The following MACROD2 variants were observed in gnomAD, a reference collection of about 807,000 sequenced individuals.
MACROD2 encodes the protein mono-ADP ribosylhydrolase 2.
Under a neutral mutation model 70.4 loss-of-function variants are expected in MACROD2, and 36 were observed. The ratio of observed to expected loss-of-function variants is 0.51; its 90% CI spans 0.39 to 0.68. The LOEUF (loss-of-function observed/expected upper bound fraction) is 0.68. Ranked by LOEUF, MACROD2 falls within the 30% of genes least tolerant of loss-of-function variation. The pLI is 0.00. For missense variants in MACROD2, 496 were observed against 538.4 expected, an observed-to-expected ratio of 0.92 and a Z score of 0.78; for synonymous variants, 172 against 178.8, an observed-to-expected ratio of 0.96 and a Z score of 0.30.
At chr20:15,852,556 G>A (rs2064311272) in intron 8 of MACROD2, among the ~76,000 whole-genome samples, 1 of 152,214 alleles carries the variant, frequency 6.6e-6, no homozygotes, top group African/African-American at 2.4e-5. Flanking sequence ...TTGTGCACAA[G>A]TGCGAACATG....
At chr20:15,396,004 C>T (rs1021839288) in intron 6 of MACROD2, among the ~76,000 whole-genome samples, 2 of 152,160 alleles carry the variant, frequency 1.3e-5, no homozygotes, top group African/African-American at 2.4e-5. Flanking sequence ...AATAAAATAA[C>T]GTACATCAAG....
chr20:15,870,078 C>T (rs1024494069), intron 9 of MACROD2, among the ~76,000 whole-genome samples: 2 of 151,948 alleles, frequency 1.3e-5, no homozygotes, highest in Non-Finnish European at 1.5e-5. Flanking sequence ...TTCTCAACCA[C>T]GTTTCACTTA....
intron 4 of MACROD2, among the ~76,000 whole-genome samples, chr20:14,533,934 T>A (rs2085335289): frequency 1.3e-5 from 2 of 152,212 alleles, no homozygotes; most frequent in African/African-American, 4.8e-5. Context: ...CTTGAAGCAA[T>A]AGCAACTATG....
At chr20:14,032,484 T>C (rs944420609) in intron 2 of MACROD2, among the ~76,000 whole-genome samples, 10 of 152,150 alleles carry the variant, frequency 6.6e-5, no homozygotes, top group African/African-American at 2.4e-4. Context: ...CCCTGAAATA[T>C]TTGCCAGTGG....
chr20:15,434,546 AG>A (rs1487822590), intron 7 of MACROD2, among the ~76,000 whole-genome samples: 1 of 152,138 alleles, frequency 6.6e-6, no homozygotes, highest in Non-Finnish European at 1.5e-5. Context: ...TGTGGTGGAA[AG>A]GGAACACATT....
rs149805347 is a variant in MACROD2 at position 15,967,861 on chromosome 20, T to C, written c.985+231T>C. Among the ~76,000 whole-genome samples, 302 of 152,276 alleles carry C rather than the reference T, an allele frequency of 2.0e-3. 1 individual carries two copies. Among genetic ancestry groups the C allele is most frequent in the African/African-American group, 7.0e-3 (289 of 41,554 alleles). On this transcript the variant is annotated intron_variant, in intron 13 of 17. Transcript: ENST00000684519. ...TGTGCCAGGCTGGCTTCATTTATTT[T>C]GTTTATTGTTACTTGTCTGAATTCT...
rs2054672239 is a variant in MACROD2, at chr20:14,127,866, A to C, written c.271+42138A>C. 13 of 483,780 alleles carry C rather than the reference A, an allele frequency of 2.7e-5. 1 individual carries two copies. Among genetic ancestry groups the C allele is most frequent in the South Asian group, 2.2e-4 (13 of 60,370 alleles). 30.0% of individuals were successfully genotyped at this position (483,780 alleles called of 1,614,324 possible). A position where few individuals can be genotyped will look rare whatever the true frequency, so the allele number is the denominator to read the frequency against. On this transcript the variant is annotated intron_variant, in intron 3 of 17. Coordinates refer to ENST00000684519, the MANE Select transcript of MACROD2 (RefSeq NM_001351661.2). Reference sequence around the variant, plus strand: ...AGGAAGCACCAACTCTAAGCCAATAAATGTTTCCCAACTAGATCTTTGAAT... The same window carrying C: ...AGGAAGCACCAACTCTAAGCCAATACATGTTTCCCAACTAGATCTTTGAAT...
In MACROD2 at chr20:14,908,038, C is replaced by T. The variant is rs148970953; in HGVS notation, c.418+223079C>T. Among the ~76,000 whole-genome samples, 60 of 152,256 alleles carry T rather than the reference C, an allele frequency of 3.9e-4. 1 individual carries two copies. Among genetic ancestry groups the T allele is most frequent in the African/African-American group, 1.1e-3 (44 of 41,554 alleles). Reference sequence around the variant, plus strand: ...CATTGACAATTATTGAGCAGGGAAACCACATATTCAAAAGTGTATTGTCAG... The same window carrying T: ...CATTGACAATTATTGAGCAGGGAAATCACATATTCAAAAGTGTATTGTCAG... On this transcript the variant is annotated intron_variant, in intron 5 of 17. Transcript: ENST00000684519.
chr20:14,046,527 A>G (rs1601154943), intron 2 of MACROD2, among the ~76,000 whole-genome samples: 1 of 152,146 alleles, frequency 6.6e-6, no homozygotes, highest in South Asian at 2.1e-4. Context: ...CCAGTAACCC[A>G]GGAATTCTAC....
intron 7 of MACROD2, among the ~76,000 whole-genome samples, 187 bp downstream of exon 7, chr20:15,431,622 G>T (rs1417564909): frequency 1.3e-5 from 2 of 151,972 alleles, no homozygotes; most frequent in African/African-American, 2.4e-5. Flanking sequence ...TCTTGAATTT[G>T]GTTATATCGG....
At chr20:14,492,896 A>G (rs2084810451) in intron 3 of MACROD2, among the ~76,000 whole-genome samples, 1 of 152,108 alleles carries the variant, frequency 6.6e-6, no homozygotes, top group African/African-American at 2.4e-5. Flanking sequence ...TAGCTCCTAT[A>G]AATGTGTGTG....
chr20:14,051,779 A>T, intron 2 of MACROD2: 1 of 454,360 alleles, frequency 2.2e-6, no homozygotes, highest in African/African-American at 2.0e-5. Context: ...CAGAATAGTA[A>T]CATGTAAGTA....
intron 5 of MACROD2, among the ~76,000 whole-genome samples, chr20:14,797,441 A>G (rs2072523514): frequency 6.6e-6 from 1 of 151,418 alleles, no homozygotes; most frequent in African/African-American, 2.4e-5. Flanking sequence ...TCTCTCCATT[A>G]CTCTGCTCCA....
Position 14,192,704 on chromosome 20 carries a change from AG to A in MACROD2, c.271+106977del, listed in dbSNP as rs1374743422. 2.0e-5 allele frequency among the ~76,000 whole-genome samples: 3 copies of A among 152,204 alleles called. No individual in the cohort carries two copies. The East Asian group carries it at 5.8e-4, about 29-fold the overall frequency. On this transcript the variant is annotated intron_variant, in intron 3 of 17. Transcript: ENST00000684519. ...CCCCACAAGGGCCACTTGGGAGTATAGATAAACTGCTCGTTGATCTCTGGGC... is the reference window on the plus strand; with the variant it reads ...CCCCACAAGGGCCACTTGGGAGTATAATAAACTGCTCGTTGATCTCTGGGC...
chr20:14,256,348 C>G (rs1039933312), intron 3 of MACROD2, among the ~76,000 whole-genome samples: 1 of 152,024 alleles, frequency 6.6e-6, no homozygotes, highest in African/African-American at 2.4e-5. Context: ...TGACTGATAA[C>G]TCTATTATAT....
At chr20:14,768,096 CAT>C (rs1176992313) in intron 5 of MACROD2, among the ~76,000 whole-genome samples, 1 of 152,090 alleles carries the variant, frequency 6.6e-6, no homozygotes, top group African/African-American at 2.4e-5. Flanking sequence ...CCGCAATAAA[CAT>C]ATGTGTGCAT....
chr20:16,032,625 AGAAG>A (rs2067166924), intron 15 of MACROD2, among the ~76,000 whole-genome samples: 1 of 150,948 alleles, frequency 6.6e-6, no homozygotes, highest in Admixed American at 6.6e-5. Flanking sequence ...AGGGACAAAA[AGAAG>A]GAAGAAAAGA....
chr20:15,888,155 C>T (rs1368646314), intron 10 of MACROD2, among the ~76,000 whole-genome samples: 1 of 152,084 alleles, frequency 6.6e-6, no homozygotes, highest in Admixed American at 6.6e-5. Flanking sequence ...ATGTTTACTT[C>T]TGAGAGAATA....
intron 4 of MACROD2, among the ~76,000 whole-genome samples, chr20:14,679,653 G>A (rs1031031770): frequency 6.6e-6 from 1 of 152,016 alleles, no homozygotes; most frequent in African/African-American, 2.4e-5. Flanking sequence ...GTACATATAG[G>A]GGTATTACCT....
Sources: gnomAD v4.1 joint callset for allele counts (sites outside exome capture counted in the v4.1 genomes callset) on GRCh38, gnomAD v4.1.1 for gene constraint, MANE v1.5 for transcripts, NCBI Gene and HGNC (gene_info 2026-07-23, HGNC 2026-07-21) for gene names.